The following RAB8B variants were observed in gnomAD, a reference collection of about 807,000 sequenced individuals.
RAB8B encodes RAB8B, member RAS oncogene family, also known as ras-related protein Rab-8B.
RAB8B carries 11 observed loss-of-function variants against 32.0 expected under a neutral mutation model. The ratio of observed to expected loss-of-function variants is 0.34; its 90% CI spans 0.22 to 0.57. The LOEUF (loss-of-function observed/expected upper bound fraction) is 0.57, where lower values mean the gene tolerates loss of function less well. Among genes scored for constraint, RAB8B ranks in the 20% least tolerant of loss-of-function variants. RAB8B has a pLI of 0.86. For missense variants in RAB8B, 190 were observed against 258.5 expected (o/e 0.73, Z 1.82); for synonymous variants, 103 against 89.6 (o/e 1.15, Z -0.85).
At chr15:63,230,990 C>G (rs1188773587) in intron 1 of RAB8B, among the ~76,000 whole-genome samples, 1 of 152,158 alleles carries the variant, frequency 6.6e-6, no homozygotes, top group African/African-American at 2.4e-5. Flanking sequence ...CTCCTCCCCT[C>G]TCTACTAAAA....
At chr15:63,207,349 A>G (rs1281779896) in intron 1 of RAB8B, among the ~76,000 whole-genome samples, 1 of 151,994 alleles carries the variant, frequency 6.6e-6, no homozygotes, top group Admixed American at 6.6e-5. Context: ...GCCCCCTTCC[A>G]TGTGTGACTA....
chr15:63,208,456 C>G (rs553649770), intron 1 of RAB8B, among the ~76,000 whole-genome samples: 2 of 152,220 alleles, frequency 1.3e-5, no homozygotes, highest in South Asian at 4.1e-4. Context: ...TAATAGAATT[C>G]TTGCTATTTT....
At chr15:63,197,378 T>C (rs1482680714) in intron 1 of RAB8B, among the ~76,000 whole-genome samples, 1 of 138,732 alleles carries the variant, frequency 7.2e-6, no homozygotes, top group African/African-American at 2.7e-5. Flanking sequence ...TTCTTTTTTT[T>C]TTTTTTTTTT....
intron 1 of RAB8B, among the ~76,000 whole-genome samples, chr15:63,242,688 C>A (rs982141170): frequency 6.6e-6 from 1 of 152,012 alleles, no homozygotes; most frequent in Non-Finnish European, 1.5e-5. Context: ...AAAAACAAAA[C>A]AAAACAAAAC....
At chr15:63,238,327 A>G (rs558322272) in intron 1 of RAB8B, among the ~76,000 whole-genome samples, 41 of 151,786 alleles carry the variant, frequency 2.7e-4, no homozygotes, top group African/African-American at 9.7e-4. Context: ...GTCTCCAGTC[A>G]TCTGGGGCTA....
At chr15:63,255,388 T>C in intron 3 of RAB8B, 119 bp from the exon 4 acceptor site, 1 of 623,264 alleles carries the variant, frequency 1.6e-6, no homozygotes, top group Non-Finnish European at 2.6e-6. Flanking sequence ...TTATGAACCC[T>C]TTTTAAAGGG....
chr15:63,246,267 T>C (rs1427096697), intron 2 of RAB8B, among the ~76,000 whole-genome samples: 1 of 152,214 alleles, frequency 6.6e-6, no homozygotes, highest in Non-Finnish European at 1.5e-5. Context: ...TATGGCATCA[T>C]GTTGGCACTC....
intron 1 of RAB8B, among the ~76,000 whole-genome samples, chr15:63,212,252 C>T (rs1021369717): frequency 2.6e-5 from 4 of 152,156 alleles, no homozygotes; most frequent in African/African-American, 7.2e-5. Context: ...AAACAAACAA[C>T]GAAAACTTGA....
In RAB8B at chr15:63,231,695, G is replaced by A. The variant is rs140984329; in HGVS notation, c.125-13061G>A. On this transcript the variant is annotated intron_variant, in intron 1 of 7. Coordinates refer to ENST00000321437, the MANE Select transcript of RAB8B (RefSeq NM_016530.3). ...AAACAATGGATGCAGCAAGAGAGAC[G>A]CAACTGGTTTTGTTTTGGAGCAGTT... Among the ~76,000 whole-genome samples the A allele has an allele frequency of 2.7e-3, 408 of 152,248 alleles. 3 individuals are homozygous for A. The highest frequency in any genetic ancestry group is 8.0e-3 in the African/African-American group (333 of 41,550).
chr15:63,230,362 C>T (rs563415794), intron 1 of RAB8B, among the ~76,000 whole-genome samples: 2 of 152,292 alleles, frequency 1.3e-5, no homozygotes, highest in African/African-American at 4.8e-5. Flanking sequence ...AGTGCAGTGG[C>T]TTGATCTCGG....
intron 1 of RAB8B, among the ~76,000 whole-genome samples, chr15:63,237,646 TG>T (rs1415929849): frequency 3.3e-5 from 5 of 152,212 alleles, no homozygotes; most frequent in African/African-American, 1.2e-4. Context: ...GCTTGTCAGA[TG>T]GGTAGTTTGC....
At chr15:63,193,762 G>A (rs1259301575) in intron 1 of RAB8B, among the ~76,000 whole-genome samples, 1 of 152,114 alleles carries the variant, frequency 6.6e-6, no homozygotes, top group Non-Finnish European at 1.5e-5. Flanking sequence ...AGTGAGCTGA[G>A]ATCGCGCCAC....
At chr15:63,191,824 T>C (rs539567808) in intron 1 of RAB8B, among the ~76,000 whole-genome samples, 1 of 152,366 alleles carries the variant, frequency 6.6e-6, no homozygotes, top group Non-Finnish European at 1.5e-5. Context: ...CTTTTTCCCT[T>C]AATTTTTGTC....
At chr15:63,234,865 A>T (rs540989219) in intron 1 of RAB8B, among the ~76,000 whole-genome samples, 148 of 152,334 alleles carry the variant, frequency 9.7e-4, no homozygotes, top group African/African-American at 3.3e-3. Flanking sequence ...TCTTCCTGCC[A>T]GAGTGCCACT....
intron 1 of RAB8B, among the ~76,000 whole-genome samples, chr15:63,213,725 C>G (rs1410390351): frequency 6.6e-6 from 1 of 152,036 alleles, no homozygotes; most frequent in Non-Finnish European, 1.5e-5. Flanking sequence ...TTCTGTCTTC[C>G]AAATAATTTT....
At position 63,203,677 on chromosome 15, in the gene RAB8B, C is replaced by G. The variant is rs547056016; in HGVS notation, c.124+13929C>G. ...GCATTAACATTATTCATGGATTGAC[C>G]CGTTTAATTCTTGCAACGCGTCTTA... On this transcript the variant is annotated intron_variant, in intron 1 of 7. Coordinates refer to ENST00000321437, the MANE Select transcript of RAB8B (RefSeq NM_016530.3). Among the ~76,000 whole-genome samples the G allele has an allele frequency of 1.0e-3, 153 of 152,284 alleles. 2 individuals carry two copies. The highest frequency in any genetic ancestry group is 1.1e-3 in the Non-Finnish European group (72 of 68,024).
At chr15:63,244,657 C>T (rs2038057468) in intron 1 of RAB8B, 99 bp from the exon 2 acceptor site, 2 of 877,910 alleles carry the variant, frequency 2.3e-6, no homozygotes, top group Admixed American at 2.6e-5. Flanking sequence ...TTTTCCAGTG[C>T]GTTGGAGAGC....
chr15:63,254,694 C>T (rs948625670), intron 3 of RAB8B, among the ~76,000 whole-genome samples: 1 of 152,038 alleles, frequency 6.6e-6, no homozygotes, highest in African/African-American at 2.4e-5. Context: ...GGGCGGATCA[C>T]GAGGTCAGGA....
intron 1 of RAB8B, among the ~76,000 whole-genome samples, chr15:63,243,916 GGA>G (rs1269921008): frequency 6.6e-6 from 1 of 152,132 alleles, no homozygotes. Context: ...GACTGGAAGG[GGA>G]AGTGCACTCA....
Sources: allele counts gnomAD v4.1 joint callset (sites outside exome capture counted in the v4.1 genomes callset), GRCh38; gene constraint gnomAD v4.1.1; transcripts MANE v1.5; gene names NCBI Gene and HGNC (gene_info 2026-07-23, HGNC 2026-07-21).